The following ADAMTS3 variants were observed in gnomAD, a reference collection of about 807,000 sequenced individuals.
ADAMTS3 encodes A disintegrin and metalloproteinase with thrombospondin motifs 3.
Under a neutral mutation model 129.0 loss-of-function variants are expected in ADAMTS3, and 73 were observed. The ratio of observed to expected loss-of-function variants is 0.57; its 90% CI spans 0.47 to 0.69. The LOEUF (loss-of-function observed/expected upper bound fraction) is 0.69. Ranked by LOEUF, ADAMTS3 falls within the 30% of genes least tolerant of loss-of-function variation. ADAMTS3 has a pLI of 0.00. For synonymous variants in ADAMTS3, 477 were observed against 510.8 expected (o/e 0.93, Z 0.89); for missense variants, 1,457 against 1,514.5 (o/e 0.96, Z 0.63).
chr4:72,294,965 T>C (rs957064440), intron 19 of ADAMTS3, among the ~76,000 whole-genome samples: 12 of 152,064 alleles, frequency 7.9e-5, no homozygotes. Flanking sequence ...CTCTCTGTTC[T>C]CTAAGACTCT....
At chr4:72,339,205 T>A (rs894522910) in intron 5 of ADAMTS3, among the ~76,000 whole-genome samples, 40 of 152,124 alleles carry the variant, frequency 2.6e-4, no homozygotes, top group African/African-American at 8.7e-4. Context: ...AAAATAAAAA[T>A]TACAATTCAT....
chr4:72,284,036 A>C (rs1381022795), intron 21 of ADAMTS3, among the ~76,000 whole-genome samples: 1 of 152,140 alleles, frequency 6.6e-6, no homozygotes, highest in Non-Finnish European at 1.5e-5. Context: ...GTTGTGGTTA[A>C]ATTTTTAGGA....
intron 3 of ADAMTS3, among the ~76,000 whole-genome samples, chr4:72,464,380 G>A (rs1268821695): frequency 2.0e-5 from 3 of 151,924 alleles, no homozygotes; most frequent in Non-Finnish European, 4.4e-5. Flanking sequence ...AACTTAGTGT[G>A]GGAATGTCAC....
At chr4:72,434,416 C>A (rs1722771043) in intron 3 of ADAMTS3, among the ~76,000 whole-genome samples, 1 of 151,654 alleles carries the variant, frequency 6.6e-6, no homozygotes, top group Non-Finnish European at 1.5e-5. Context: ...AACTGATGTT[C>A]TTTTTACTCT....
At chr4:72,426,011 T>C (rs1722565122) in intron 3 of ADAMTS3, among the ~76,000 whole-genome samples, 1 of 152,214 alleles carries the variant, frequency 6.6e-6, no homozygotes, top group Admixed American at 6.5e-5. Flanking sequence ...TCCTGACTTT[T>C]TAATGATTGC....
intron 3 of ADAMTS3, among the ~76,000 whole-genome samples, chr4:72,418,130 A>G (rs1722355788): frequency 6.6e-6 from 1 of 151,968 alleles, no homozygotes; most frequent in Admixed American, 6.6e-5. Context: ...AGTAAAATCA[A>G]GTAAAATTTT....
chr4:72,469,518 TA>T (rs1321196902), intron 3 of ADAMTS3, among the ~76,000 whole-genome samples: 2 of 152,124 alleles, frequency 1.3e-5, no homozygotes, highest in African/African-American at 4.8e-5. Context: ...AGACGACTAA[TA>T]AAATCAGTGT....
chr4:72,305,885 CACATATATGTGT>C, intron 16 of ADAMTS3, 90 bp downstream of exon 16: 1 of 935,522 alleles, frequency 1.1e-6, no homozygotes, highest in East Asian at 2.4e-5. Context: ...TATACGTATG[CACATATATGTGT>C]ACATATATAC....
In ADAMTS3 at chr4:72,283,547, A is replaced by C. The variant is rs1450386065; in HGVS notation, c.3207T>G (p.His1069Gln). The change falls in exon 22 of 22, where the codon CAT (histidine) becomes CAG (glutamine). Residue 1069 changes from histidine to glutamine, a missense_variant. His to Gln is a conservative substitution (Grantham distance 24). Coordinates refer to ENST00000286657, the MANE Select transcript of ADAMTS3 (RefSeq NM_014243.3). Reference protein sequence around the residue: ...PPYLLEAAETHDDVISNPSDL... With the variant: ...PPYLLEAAETQDDVISNPSDL... ...CACTAGGGTTAGAGATGACATCATC[A>C]TGAGTTTCAGCAGCTTCTAGAAGGT... 6.2e-7 allele frequency: 1 copy of C among 1,613,980 alleles called. No homozygotes were observed. The highest frequency in any genetic ancestry group is 1.3e-5 in the African/African-American group (1 of 74,930).
intron 3 of ADAMTS3, among the ~76,000 whole-genome samples, chr4:72,530,572 T>C (rs1275570056): frequency 2.3e-5 from 1 of 44,412 alleles, no homozygotes; most frequent in Non-Finnish European, 3.6e-5. Context: ...AAATATTAAT[T>C]TAATATATAT....
At chr4:72,403,559 A>T (rs758755039) in intron 4 of ADAMTS3, among the ~76,000 whole-genome samples, 3 of 152,012 alleles carry the variant, frequency 2.0e-5, no homozygotes, top group Non-Finnish European at 4.4e-5. Flanking sequence ...GTTACTTATG[A>T]TGTCAAAGCT....
At chr4:72,314,733 C>T (rs1719344443) in intron 11 of ADAMTS3, among the ~76,000 whole-genome samples, 1 of 152,094 alleles carries the variant, frequency 6.6e-6, no homozygotes, top group African/African-American at 2.4e-5. Flanking sequence ...CAAAGCAAAA[C>T]ATTGTATACA....
intron 3 of ADAMTS3, among the ~76,000 whole-genome samples, chr4:72,472,072 T>C (rs545107835): frequency 1.3e-5 from 2 of 152,088 alleles, no homozygotes; most frequent in African/African-American, 2.4e-5. Context: ...AAGGAAGATC[T>C]AGAAATAAGA....
chr4:72,507,721 AC>A (rs1419016569), intron 3 of ADAMTS3, among the ~76,000 whole-genome samples: 2 of 152,080 alleles, frequency 1.3e-5, no homozygotes, highest in Non-Finnish European at 2.9e-5. Context: ...TAAAAATCCC[AC>A]CACTGCATCC....
chr4:72,455,941 A>ATATATACTATATATTT (rs1718557471), intron 3 of ADAMTS3, among the ~76,000 whole-genome samples: 2 of 93,668 alleles, frequency 2.1e-5, no homozygotes, highest in African/African-American at 9.8e-5. Flanking sequence ...TATATATAGT[A>ATATATACTATATATTT]TATATACAGT....
intron 4 of ADAMTS3, among the ~76,000 whole-genome samples, chr4:72,371,053 G>T (rs1358030435): frequency 6.6e-6 from 1 of 152,112 alleles, no homozygotes; most frequent in Admixed American, 6.6e-5. Context: ...AGACCAGAGT[G>T]ATATGTCTAC....
chr4:72,542,021 T>C (rs1191695669), intron 3 of ADAMTS3, among the ~76,000 whole-genome samples: 1 of 152,258 alleles, frequency 6.6e-6, no homozygotes, highest in Non-Finnish European at 1.5e-5. Context: ...AGGTAAATTT[T>C]ATGGTTAAAC....
intron 18 of ADAMTS3, 114 bp downstream of exon 18, chr4:72,298,163 T>A: frequency 4.0e-6 from 3 of 756,584 alleles, no homozygotes. Context: ...TTTTGATGGT[T>A]ATGTTTGGTG....
At position 72,426,583 on chromosome 4, in the gene ADAMTS3, T is replaced by C. The variant is rs182041983; in HGVS notation, c.505-11612A>G. On this transcript the variant is annotated intron_variant, in intron 3 of 21. Transcript: ENST00000286657. ...AATATAAAAGCAAATCAAACAACAA[T>C]ATAACAATAAAAAACTAAATTAGCT... Among the ~76,000 whole-genome samples, 71 of 152,178 alleles carry C rather than the reference T, an allele frequency of 4.7e-4. 1 individual carries two copies. The highest frequency in any genetic ancestry group is 1.7e-3 in the African/African-American group (70 of 41,538).
Sources: allele counts gnomAD v4.1 joint callset (sites outside exome capture counted in the v4.1 genomes callset), GRCh38; gene constraint gnomAD v4.1.1; transcripts MANE v1.5; gene names NCBI Gene and HGNC (gene_info 2026-07-23, HGNC 2026-07-21).